Variants in PAXBP1 observed in about 807,000 individuals in gnomAD.
The protein encoded by PAXBP1 is PAX3 and PAX7 binding protein 1.
Under a neutral mutation model 119.9 loss-of-function variants are expected in PAXBP1, and 44 were observed. That is an observed-to-expected ratio of 0.37 (90% CI 0.29 to 0.47). The LOEUF (loss-of-function observed/expected upper bound fraction) is 0.47. PAXBP1 is among the 20% of genes least tolerant of loss of function. PAXBP1 has a pLI of 0.99. For synonymous variants in PAXBP1, 393 were observed against 406.6 expected, an observed-to-expected ratio of 0.97 and a Z score of 0.40; for missense variants, 898 against 1,134.1, an observed-to-expected ratio of 0.79 and a Z score of 2.99.
chr21:32,759,440 G>T, intron 6 of PAXBP1, 171 bp from the exon 7 acceptor site: 1 of 757,510 alleles, frequency 1.3e-6, no homozygotes, highest in Non-Finnish European at 2.0e-6. Flanking sequence ...AAAAATGGCA[G>T]TTTACAGATT....
intron 15 of PAXBP1, among the ~76,000 whole-genome samples, chr21:32,738,855 C>T (rs1303926196): frequency 6.6e-6 from 1 of 152,182 alleles, no homozygotes; most frequent in Non-Finnish European, 1.5e-5. Flanking sequence ...ACCATAAAAA[C>T]TTATAGTTTC....
Position 32,751,109 on chromosome 21 carries a change from T to C in PAXBP1, c.1607+10A>G. 1.2e-6 allele frequency: 2 copies of C among 1,612,318 alleles called. No individual in the cohort carries two copies. The highest frequency in any genetic ancestry group is 1.3e-5 in the African/African-American group (1 of 75,006). On this transcript the variant is annotated intron_variant, in intron 9 of 17. Transcript: ENST00000331923. ...CCCAAACAAGCCAGAGCAAGGGTTT[T>C]GAGAATTACCTCCTGGCCTCCCGCT...
chr21:32,750,960 A>T lies in PAXBP1; in HGVS notation c.1680T>A (p.Asp560Glu), dbSNP rs575855181. The T allele has an allele frequency of 1.2e-6, 2 of 1,614,016 alleles. No homozygotes were observed. Among genetic ancestry groups the T allele is most frequent in the African/African-American group, 1.3e-5 (1 of 75,048 alleles). Reference protein sequence around the residue: ...ADHLEGLSSDDEETSTDITNF... With the variant: ...ADHLEGLSSDEEETSTDITNF... Reference sequence around the variant, plus strand: ...TAGTAATATCTGTAGAAGTTTCTTCATCATCACTGGAAAGGCCTTCAAGGT... The same window carrying T: ...TAGTAATATCTGTAGAAGTTTCTTCTTCATCACTGGAAAGGCCTTCAAGGT... The change falls in exon 10 of 18, where the codon GAT becomes GAA. Residue 560 changes from aspartate to glutamate, a missense_variant. By Grantham distance (45) the Asp-to-Glu change is conservative. Coordinates refer to ENST00000331923, the MANE Select transcript of PAXBP1 (RefSeq NM_016631.4).
At position 32,771,750 on chromosome 21, in the gene PAXBP1, C is replaced by G; in HGVS notation, c.-82G>C. 5.0e-6 allele frequency: 6 copies of G among 1,200,884 alleles called. No homozygotes were observed. The highest frequency in any genetic ancestry group is 5.3e-6 in the Non-Finnish European group (5 of 935,018). 74.4% of individuals were successfully genotyped at this position (1,200,884 alleles called of 1,614,324 possible). ...CCGAGCTCGTGACGGCGCACGCGCG[C>G]TCTCCGGAGCTCCAGCCGGGTCGAG... On this transcript the variant is annotated 5_prime_UTR_variant, in exon 1 of 18. Transcript: ENST00000331923.
rs1234213446 is a variant in PAXBP1, at chr21:32,745,559, G to T, written c.2068+15C>A. On this transcript the variant is annotated intron_variant, in intron 12 of 17. Coordinates refer to ENST00000331923, the MANE Select transcript of PAXBP1 (RefSeq NM_016631.4). ...AGTGTGTCTGAATGCTCAATTCAGAGAACAGGAGATTTACCTGTTAGTTTA... is the reference window on the plus strand; with the variant it reads ...AGTGTGTCTGAATGCTCAATTCAGATAACAGGAGATTTACCTGTTAGTTTA... 2.5e-6 allele frequency: 4 copies of T among 1,613,520 alleles called. No individual in the cohort carries two copies. Among genetic ancestry groups the T allele is most frequent in the South Asian group, 1.1e-5 (1 of 91,052 alleles).
intron 7 of PAXBP1, 125 bp downstream of exon 7, chr21:32,758,953 CTT>C (rs1283807128): frequency 2.3e-6 from 2 of 886,450 alleles, no homozygotes; most frequent in Non-Finnish European, 3.4e-6. Context: ...TGAAGCATGA[CTT>C]TTCATCACTT....
At position 32,751,254 on chromosome 21, in the gene PAXBP1, T is replaced by C. The variant is rs369056243; in HGVS notation, c.1508-36A>G. 102 of 1,594,670 alleles carry C rather than the reference T, an allele frequency of 6.4e-5. No homozygotes were observed. In the African/African-American group the frequency reaches 1.1e-3, roughly 18 times the overall value. Reference sequence around the variant, plus strand: ...ACAACAGTTAAAATTAAAAGCCATCTTTCAACAATCTTGAGGAAAGAGTTT... The same window carrying C: ...ACAACAGTTAAAATTAAAAGCCATCCTTCAACAATCTTGAGGAAAGAGTTT... On this transcript the variant is annotated intron_variant, in intron 8 of 17. Coordinates refer to ENST00000331923, the MANE Select transcript of PAXBP1 (RefSeq NM_016631.4).
In PAXBP1 at chr21:32,769,959, A is replaced by T. The variant is rs1392459870; in HGVS notation, c.344-17T>A. 6 of 1,497,296 alleles carry T rather than the reference A, an allele frequency of 4.0e-6. No individual in the cohort carries two copies. The South Asian group carries it at 4.9e-5, about 12-fold the overall frequency. 92.8% of individuals were successfully genotyped at this position (1,497,296 alleles called of 1,614,324 possible). ...CTTCATTTTCTTAAAAAGGAAATTA[A>T]ATGAAGTCTGTAGCAACTATTTTCT... is the stretch of plus-strand genomic sequence containing the variant. On this transcript the variant is annotated splice_polypyrimidine_tract_variant and intron_variant, in intron 1 of 17. Transcript: ENST00000331923.
At position 32,738,290 on chromosome 21, in the gene PAXBP1, G is replaced by A. The variant is rs375318159; in HGVS notation, c.2364C>T (p.Gly788=). Residue 788 remains glycine (G), a synonymous_variant, in exon 16 of 18, where the codon GGC becomes GGT. Coordinates refer to ENST00000331923, the MANE Select transcript of PAXBP1 (RefSeq NM_016631.4). The part of the protein sequence containing the change: ...KLLGNFLQWY[G]IFSNKTLQEL... ...CTTGCAGAGTTTTATTTGAGAAAAT[G>A]CCATACCACTGAAGAAAATTGCCTA... is the stretch of plus-strand genomic sequence containing the variant. 1.3e-6 allele frequency: 2 copies of A among 1,590,996 alleles called. No homozygotes were observed. Among genetic ancestry groups the A allele is most frequent in the African/African-American group, 1.4e-5 (1 of 73,274 alleles).
rs2043674506 is a variant in PAXBP1 at position 32,735,067 on chromosome 21, C to T, written c.2637G>A (p.Arg879=). ...GCSDVEKRNA[R]ENIKQIVKLL... The stretch of plus-strand genomic sequence containing the variant: ...GTTTTACTATCTGTTTTATGTTTTC[C>T]CTAAAAGAAAAAAATATAGCAGCAT... Residue 879 remains arginine, a splice_region_variant and synonymous_variant, in exon 18 of 18, where the codon AGG becomes AGA. Transcript: ENST00000331923. 6.2e-7 allele frequency: 1 copy of T among 1,603,920 alleles called. No individual in the cohort carries two copies. The highest frequency in any genetic ancestry group is 1.3e-5 in the African/African-American group (1 of 74,416).
intron 15 of PAXBP1, among the ~76,000 whole-genome samples, chr21:32,739,938 T>TTA: frequency 2.1e-5 from 1 of 47,046 alleles, no homozygotes; most frequent in African/African-American, 9.1e-5. Context: ...CTCGTCTCTT[T>TTA]AAAAAAAAAA....
At chr21:32,769,206 A>G (rs1435921770) in intron 2 of PAXBP1, among the ~76,000 whole-genome samples, 3 of 152,214 alleles carry the variant, frequency 2.0e-5, no homozygotes, top group Admixed American at 2.0e-4. Flanking sequence ...CTCAGACCAT[A>G]GAATATTATA....
At chr21:32,759,558 A>C (rs1468088235) in intron 6 of PAXBP1, 1 of 606,910 alleles carries the variant, frequency 1.6e-6, no homozygotes, top group Non-Finnish European at 2.8e-6. Flanking sequence ...TGTCTTCAAC[A>C]AGATCATGGA....
chr21:32,755,325 G>A lies in PAXBP1; in HGVS notation c.1412C>T (p.Ala471Val). 6.2e-7 allele frequency: 1 copy of A among 1,612,754 alleles called. No individual in the cohort carries two copies. Among genetic ancestry groups the A allele is most frequent in the Non-Finnish European group, 8.5e-7 (1 of 1,179,428 alleles). ...TCGCTGTTTGTACAGCTGATGTATT[G>A]CTGATTCAAGTTCATTAATCAGTGG... is the stretch of plus-strand genomic sequence containing the variant. ...KVPLINELES[A>V]IHQLYKQRAS... The change falls in exon 8 of 18, where the codon GCA becomes GTA. Residue 471 changes from alanine (A) to valine (V), a missense_variant. Transcript: ENST00000331923.
intron 6 of PAXBP1, 66 bp downstream of exon 6, chr21:32,759,711 G>A (rs1021555309): frequency 1.5e-6 from 2 of 1,345,636 alleles, no homozygotes; most frequent in African/African-American, 2.9e-5. Context: ...TGCTACCCCA[G>A]ACTACATGTT....
chr21:32,737,484 T>C (rs2043709658), intron 16 of PAXBP1, 76 bp from the exon 17 acceptor site: 26 of 1,223,844 alleles, frequency 2.1e-5, no homozygotes, highest in East Asian at 5.1e-5. Flanking sequence ...GTCTAGTTAA[T>C]GGGTATAAAT....
chr21:32,739,938 TAAAAAAAAAAAAAAA>T lies in PAXBP1; in HGVS notation c.2335-1634_2335-1620del, dbSNP rs756477858. ...TAGGCAACACAAGACCTCGTCTCTT[TAAAAAAAAAAAAAAA>T]AAAAAAAAAAAAAAGGCAATTTGTT... On this transcript the variant is annotated intron_variant, in intron 15 of 17. Transcript: ENST00000331923. Among the ~76,000 whole-genome samples, 21 of 47,006 alleles carry T rather than the reference TAAAAAAAAAAAAAAA, an allele frequency of 4.5e-4. 1 individual carries two copies. Among genetic ancestry groups the T allele is most frequent in the Non-Finnish European group, 6.6e-4 (18 of 27,076 alleles). 30.8% of individuals were successfully genotyped at this position (47,006 alleles called of 152,430 possible).
chr21:32,761,222 T>C (rs1441453031), intron 4 of PAXBP1, 60 bp from the exon 5 acceptor site: 19 of 1,296,002 alleles, frequency 1.5e-5, no homozygotes, highest in Admixed American at 3.5e-5. Context: ...AGGTAAAAGA[T>C]GCTGTCCTGA....
intron 8 of PAXBP1, among the ~76,000 whole-genome samples, chr21:32,753,320 C>T (rs2043986945): frequency 6.8e-6 from 1 of 147,644 alleles, no homozygotes; most frequent in African/African-American, 2.5e-5. Flanking sequence ...ATCAGCCAGG[C>T]GTAGCTGAGG....
Sources: gnomAD v4.1 joint callset for allele counts (sites outside exome capture counted in the v4.1 genomes callset) on GRCh38, gnomAD v4.1.1 for gene constraint, MANE v1.5 for transcripts, NCBI Gene and HGNC (gene_info 2026-07-23, HGNC 2026-07-21) for gene names.